FAM193A: variants seen among roughly 807,000 people sequenced by gnomAD.
FAM193A encodes the protein family with sequence similarity 193 member A.
A neutral mutation model predicts 126.5 loss-of-function variants in FAM193A; 22 were observed. The observed-to-expected ratio is 0.17, with a 90% confidence interval of 0.12 to 0.25. The LOEUF is 0.25. Among genes scored for constraint, FAM193A ranks in the 10% least tolerant of loss-of-function variants. FAM193A has a pLI of 1.00. For synonymous variants in FAM193A, 761 were observed against 646.8 expected (o/e 1.18, Z -2.68); for missense variants, 1,675 against 1,672.8 (o/e 1.00, Z -0.02).
chr4:2,598,209 C>T (rs995118290), intron 2 of FAM193A, among the ~76,000 whole-genome samples: 2 of 152,140 alleles, frequency 1.3e-5, no homozygotes, highest in Non-Finnish European at 2.9e-5. Flanking sequence ...GATTTTTGTT[C>T]CTACAGTTTT....
chr4:2,560,118 T>C (rs1738519578), intron 1 of FAM193A, among the ~76,000 whole-genome samples: 1 of 152,040 alleles, frequency 6.6e-6, no homozygotes, highest in African/African-American at 2.4e-5. Flanking sequence ...ATCTTTTGTA[T>C]GTTTAGTAGA....
chr4:2,625,425 A>G lies in FAM193A; in HGVS notation c.635+30A>G, dbSNP rs1035401104. Reference sequence around the variant, plus strand: ...GTGACGTGTGTGCCACGTTGCTCACACCTGTCCACAATGACATGCAGACCT... The same window carrying G: ...GTGACGTGTGTGCCACGTTGCTCACGCCTGTCCACAATGACATGCAGACCT... On this transcript the variant is annotated intron_variant, in intron 3 of 20. Coordinates refer to ENST00000637812, the MANE Select transcript of FAM193A (RefSeq NM_001366318.2). The G allele has an allele frequency of 2.8e-5, 19 of 684,500 alleles. No individual in the cohort carries two copies. In the African/African-American group the frequency reaches 3.0e-4, roughly 11 times the overall value. 42.4% of individuals were successfully genotyped at this position (684,500 alleles called of 1,614,324 possible).
intron 8 of FAM193A, among the ~76,000 whole-genome samples, chr4:2,658,532 C>T (rs984575533): frequency 6.6e-6 from 1 of 152,122 alleles, no homozygotes; most frequent in Non-Finnish European, 1.5e-5. Flanking sequence ...CACATCGACT[C>T]TCTTCCTGTT....
Position 2,619,093 on chromosome 4 carries a change from G to A in FAM193A, c.502-6169G>A, listed in dbSNP as rs147391811. Among the ~76,000 whole-genome samples the A allele has an allele frequency of 3.9e-5, 6 of 152,178 alleles. No homozygotes were observed. In the East Asian group the frequency reaches 1.2e-3, roughly 29 times the overall value. On this transcript the variant is annotated intron_variant, in intron 2 of 20. Transcript: ENST00000637812. ...TATTCTGATCTGCTTAATCTGCCAAGTGTGTTTAGTGTATTTTTTTCTTTT... is the reference window on the plus strand; with the variant it reads ...TATTCTGATCTGCTTAATCTGCCAAATGTGTTTAGTGTATTTTTTTCTTTT...
chr4:2,708,497 T>C (rs1718562200), intron 19 of FAM193A, among the ~76,000 whole-genome samples: 1 of 151,994 alleles, frequency 6.6e-6, no homozygotes, highest in Non-Finnish European at 1.5e-5. Context: ...AGTTTCATTC[T>C]TGTCGCCCAG....
intron 12 of FAM193A, among the ~76,000 whole-genome samples, chr4:2,669,499 C>T (rs1420808232): frequency 2.6e-5 from 4 of 152,122 alleles, no homozygotes; most frequent in Non-Finnish European, 1.5e-5. Flanking sequence ...ATCCCAGCTA[C>T]TTGGGAGGCT....
At chr4:2,630,499 A>C (rs1743454100) in intron 4 of FAM193A, among the ~76,000 whole-genome samples, 1 of 152,186 alleles carries the variant, frequency 6.6e-6, no homozygotes. Context: ...GTTAACATAT[A>C]AGCCTTTAAA....
At chr4:2,604,115 T>C (rs946505794) in intron 2 of FAM193A, among the ~76,000 whole-genome samples, 1 of 152,150 alleles carries the variant, frequency 6.6e-6, no homozygotes, top group African/African-American at 2.4e-5. Flanking sequence ...CTTGCTGAAA[T>C]TACAGGGGTG....
chr4:2,648,874 G>A (rs1390989333), intron 7 of FAM193A, among the ~76,000 whole-genome samples: 1 of 152,206 alleles, frequency 6.6e-6, no homozygotes, highest in African/African-American at 2.4e-5. Flanking sequence ...AGGAGGGCCA[G>A]TAGTGTGTCC....
intron 1 of FAM193A, among the ~76,000 whole-genome samples, chr4:2,575,164 C>T (rs1029685443): frequency 6.6e-6 from 1 of 152,120 alleles, no homozygotes; most frequent in South Asian, 2.1e-4. Flanking sequence ...GGCCGCGACA[C>T]TTGCCAAGTG....
chr4:2,571,043 A>G (rs996465102), intron 1 of FAM193A, among the ~76,000 whole-genome samples: 5 of 152,012 alleles, frequency 3.3e-5, no homozygotes, highest in Non-Finnish European at 7.4e-5. Flanking sequence ...CTCTCTCCCT[A>G]TGGGGGACTT....
chr4:2,655,323 T>A (rs1711542438), intron 7 of FAM193A, among the ~76,000 whole-genome samples: 1 of 152,232 alleles, frequency 6.6e-6, no homozygotes, highest in Non-Finnish European at 1.5e-5. Flanking sequence ...GGTTACCTAA[T>A]TTTGAGACAT....
intron 1 of FAM193A, among the ~76,000 whole-genome samples, chr4:2,554,981 GA>G (rs1330230977): frequency 6.6e-6 from 1 of 152,034 alleles, no homozygotes; most frequent in Non-Finnish European, 1.5e-5. Flanking sequence ...ATTTCCTGTA[GA>G]TAGCTGCCTG....
intron 1 of FAM193A, among the ~76,000 whole-genome samples, chr4:2,545,479 A>G (rs1737489434): frequency 6.6e-6 from 1 of 151,614 alleles, no homozygotes; most frequent in South Asian, 2.1e-4. Context: ...GGATTGTTTT[A>G]TGGCTGCTAT....
At chr4:2,685,402 G>A (rs1715621150) in intron 13 of FAM193A, among the ~76,000 whole-genome samples, 1 of 152,162 alleles carries the variant, frequency 6.6e-6, no homozygotes, top group African/African-American at 2.4e-5. Context: ...GATTTAGATT[G>A]GGCAGGTAAA....
intron 7 of FAM193A, among the ~76,000 whole-genome samples, chr4:2,650,809 G>A (rs1399522463): frequency 6.6e-6 from 1 of 152,156 alleles, no homozygotes; most frequent in Admixed American, 6.5e-5. Context: ...GGAGCCCCAA[G>A]CACCTTCTGG....
intron 14 of FAM193A, 65 bp downstream of exon 14, chr4:2,689,769 G>A (rs912849865): frequency 1.3e-5 from 16 of 1,194,112 alleles, no homozygotes; most frequent in African/African-American, 3.2e-5. Flanking sequence ...CATCTTTGCC[G>A]TAGTCTCCCG....
Position 2,626,427 on chromosome 4 carries a change from C to T in FAM193A, c.653C>T (p.Ala218Val), listed in dbSNP as rs780793514. Residue 218 changes from alanine (A) to valine (V), a missense_variant, in exon 4 of 21, where the codon GCG becomes GTG. Physicochemically the swap from Ala to Val is moderately conservative, Grantham distance 64. Around this residue, in one of 4 missense-constraint regions of FAM193A, gnomAD observed 1,186 missense variants for 1,109.2 expected, o/e 1.07. Coordinates refer to ENST00000637812, the MANE Select transcript of FAM193A (RefSeq NM_001366318.2). ...TCTCACAGAGAAATTTCGGCAGAGG[C>T]GGACCGGGAACCTCAGCAGCTGCAG... Reference protein sequence around the residue: ...CSERREISAEADREPQQLQNY... With the variant: ...CSERREISAEVDREPQQLQNY... 8 of 699,372 alleles carry T rather than the reference C, an allele frequency of 1.1e-5. No individual in the cohort carries two copies. The highest frequency in any genetic ancestry group is 1.5e-5 in the South Asian group (1 of 67,522). 43.3% of individuals were successfully genotyped at this position (699,372 alleles called of 1,614,324 possible). A position where few individuals can be genotyped will look rare whatever the true frequency, so the allele number is the denominator to read the frequency against.
intron 8 of FAM193A, among the ~76,000 whole-genome samples, chr4:2,658,810 G>C (rs1712033225): frequency 6.6e-6 from 1 of 152,188 alleles, no homozygotes; most frequent in Admixed American, 6.5e-5. Flanking sequence ...AAGTGCAGTG[G>C]CGTGAACTCG....
Sources: allele counts gnomAD v4.1 joint callset (sites outside exome capture counted in the v4.1 genomes callset), GRCh38; gene constraint gnomAD v4.1.1; regional missense constraint gnomAD v4.1.1; transcripts MANE v1.5; gene names NCBI Gene and HGNC (gene_info 2026-07-23, HGNC 2026-07-21).